RAB3GAP2: variants seen among roughly 807,000 people sequenced by gnomAD.
The protein encoded by RAB3GAP2 is rab3 GTPase-activating protein non-catalytic subunit.
RAB3GAP2 carries 87 observed loss-of-function variants against 185.3 expected under a neutral mutation model. That is an observed-to-expected ratio of 0.47 (90% CI 0.39 to 0.56). The LOEUF (loss-of-function observed/expected upper bound fraction) is 0.56. Among genes scored for constraint, RAB3GAP2 ranks in the 20% least tolerant of loss-of-function variants. RAB3GAP2 has a pLI of 0.00. For synonymous variants in RAB3GAP2, 554 were observed against 576.1 expected, an observed-to-expected ratio of 0.96 and a Z score of 0.55; for missense variants, 1,492 against 1,638.2, an observed-to-expected ratio of 0.91 and a Z score of 1.54.
chr1:220,239,230 T>G (rs1333691470), intron 1 of RAB3GAP2, among the ~76,000 whole-genome samples: 1 of 152,182 alleles, frequency 6.6e-6, no homozygotes, highest in African/African-American at 2.4e-5. Flanking sequence ...ACAACTTTTT[T>G]TTTGTGGGGC....
intron 15 of RAB3GAP2, 98 bp downstream of exon 15, chr1:220,190,279 A>G: frequency 6.4e-7 from 1 of 1,570,254 alleles, no homozygotes; most frequent in African/African-American, 1.4e-5. Context: ...AGACAAAGGA[A>G]ACAACAAAAT....
intron 9 of RAB3GAP2, 69 bp from the exon 10 acceptor site, chr1:220,196,467 C>G: frequency 7.2e-7 from 1 of 1,390,428 alleles, no homozygotes. Context: ...ACTTCAGTTC[C>G]ATTCTAAGAT....
chr1:220,208,122 A>G (rs974321458), intron 7 of RAB3GAP2: 1 of 152,234 alleles, frequency 6.6e-6, no homozygotes, highest in Non-Finnish European at 1.5e-5. Context: ...TTTGTACAGC[A>G]AATAGCAAGG....
rs1371815451 is a variant in RAB3GAP2, at chr1:220,151,630, T to C, written c.4002A>G (p.Thr1334=). The change falls in exon 34 of 35, where the codon ACA becomes ACG. Residue 1334 remains threonine, a synonymous_variant. Transcript: ENST00000358951. ...CCATTGCTTTCAGCCAAGTACACAG[T>C]GTGGGTGGAAGTCTGGCAAGCAGCT... ...GMELLARLPP[T]LCTWLKAMDP... 6.2e-7 allele frequency: 1 copy of C among 1,612,196 alleles called. No individual in the cohort carries two copies. Among genetic ancestry groups the C allele is most frequent in the Non-Finnish European group, 8.5e-7 (1 of 1,178,206 alleles).
chr1:220,174,586 A>G (rs1658252030), intron 21 of RAB3GAP2, among the ~76,000 whole-genome samples: 1 of 152,214 alleles, frequency 6.6e-6, no homozygotes, highest in South Asian at 2.1e-4. Context: ...ATTATTGACT[A>G]TAGTCACCCT....
At chr1:220,249,004 T>C (rs1173933434) in intron 1 of RAB3GAP2, among the ~76,000 whole-genome samples, 1 of 152,174 alleles carries the variant, frequency 6.6e-6, no homozygotes, top group Non-Finnish European at 1.5e-5. Context: ...TTATAAATTA[T>C]CCAGTCTCAG....
intron 2 of RAB3GAP2, among the ~76,000 whole-genome samples, chr1:220,225,646 A>G (rs910400427): frequency 3.3e-5 from 5 of 152,202 alleles, no homozygotes; most frequent in African/African-American, 4.8e-5. Context: ...CTAAGCTTGT[A>G]TTAATGTAGA....
At chr1:220,272,105 G>T in intron 1 of RAB3GAP2, 118 bp downstream of exon 1, 1 of 862,562 alleles carries the variant, frequency 1.2e-6, no homozygotes, top group Non-Finnish European at 1.9e-6. Flanking sequence ...GAGGCACGGG[G>T]AGAACTGGGG....
At chr1:220,267,034 T>C (rs1222719638) in intron 1 of RAB3GAP2, 5 of 1,611,494 alleles carry the variant, frequency 3.1e-6, no homozygotes, top group Non-Finnish European at 3.4e-6. Flanking sequence ...GGGGGGCAGG[T>C]AGTCCAGGGT....
At chr1:220,163,771 A>AT (rs1658012154) in intron 27 of RAB3GAP2, among the ~76,000 whole-genome samples, 1 of 145,274 alleles carries the variant, frequency 6.9e-6, no homozygotes, top group Non-Finnish European at 1.5e-5. Context: ...ATATATATAT[A>AT]TAGGATGAAG....
chr1:220,268,896 C>A (rs560546555), intron 1 of RAB3GAP2, among the ~76,000 whole-genome samples: 16 of 152,288 alleles, frequency 1.1e-4, no homozygotes, highest in Non-Finnish European at 2.1e-4. Flanking sequence ...ATATTATAGG[C>A]ATTAGCCACT....
intron 1 of RAB3GAP2, among the ~76,000 whole-genome samples, chr1:220,233,857 C>G (rs757980212): frequency 6.6e-6 from 1 of 152,246 alleles, no homozygotes; most frequent in Middle Eastern, 3.4e-3. Context: ...CCTGCCACCA[C>G]GCCCGGCTGA....
At chr1:220,176,739 T>C (rs1010168305) in intron 21 of RAB3GAP2, among the ~76,000 whole-genome samples, 1 of 152,086 alleles carries the variant, frequency 6.6e-6, no homozygotes, top group Non-Finnish European at 1.5e-5. Flanking sequence ...CACCAACCTC[T>C]ATCTCACAGC....
Position 220,154,437 on chromosome 1 carries a change from G to A in RAB3GAP2, c.3556-380C>T, listed in dbSNP as rs116719139. Reference sequence around the variant, plus strand: ...CTTGTTCTGCAGGAAGCCAGGTTCCGTGTTGTGAGCTGCTGTATGGAGAGG... The same window carrying A: ...CTTGTTCTGCAGGAAGCCAGGTTCCATGTTGTGAGCTGCTGTATGGAGAGG... On this transcript the variant is annotated intron_variant, in intron 31 of 34. Coordinates refer to ENST00000358951, the MANE Select transcript of RAB3GAP2 (RefSeq NM_012414.4). 914 of 223,180 alleles carry A rather than the reference G, an allele frequency of 4.1e-3. 6 individuals carry two copies. Among genetic ancestry groups the A allele is most frequent in the Non-Finnish European group, 4.9e-3 (541 of 111,406 alleles). The allele number at this position is 223,180 out of a possible 1,614,324, so 13.8% of individuals were successfully genotyped here. A position where few individuals can be genotyped will look rare whatever the true frequency, so the allele number is the denominator to read the frequency against.
chr1:220,187,545 A>C (rs1230614353), intron 17 of RAB3GAP2, among the ~76,000 whole-genome samples: 1 of 152,198 alleles, frequency 6.6e-6, no homozygotes. Context: ...TGGGGAGCCA[A>C]GAGGAGCTGG....
intron 27 of RAB3GAP2, among the ~76,000 whole-genome samples, chr1:220,163,530 T>C (rs575884140): frequency 1.4e-3 from 208 of 151,266 alleles, no homozygotes; most frequent in African/African-American, 4.9e-3. Flanking sequence ...GCCCGGCTAA[T>C]TTTTTATATT....
intron 1 of RAB3GAP2, among the ~76,000 whole-genome samples, chr1:220,248,555 C>T (rs1659861831): frequency 6.7e-6 from 1 of 150,240 alleles, no homozygotes; most frequent in South Asian, 2.1e-4. Context: ...CAATCGTTCC[C>T]AAATTAATAT....
intron 2 of RAB3GAP2, among the ~76,000 whole-genome samples, chr1:220,231,129 T>C (rs1424183248): frequency 6.6e-6 from 1 of 152,232 alleles, no homozygotes; most frequent in African/African-American, 2.4e-5. Context: ...GCATTTAGAA[T>C]AAACACCAAA....
intron 31 of RAB3GAP2, 50 bp downstream of exon 31, chr1:220,157,220 T>G (rs1657873115): frequency 6.8e-7 from 1 of 1,475,994 alleles, no homozygotes; most frequent in South Asian, 1.2e-5. Context: ...TCCATGTGTC[T>G]GCTAAGCCTG....
Sources: gnomAD v4.1 joint callset for allele counts (sites outside exome capture counted in the v4.1 genomes callset) on GRCh38, gnomAD v4.1.1 for gene constraint, MANE v1.5 for transcripts, NCBI Gene and HGNC (gene_info 2026-07-23, HGNC 2026-07-21) for gene names.